NEB: variants seen among roughly 807,000 people sequenced by gnomAD.
NEB encodes the protein nemaline myopathy type 2.
Under a neutral mutation model 952.2 loss-of-function variants are expected in NEB, and 512 were observed. The ratio of observed to expected loss-of-function variants is 0.54; its 90% CI spans 0.50 to 0.58. NEB has a LOEUF of 0.58. Among genes scored for constraint, NEB ranks in the 20% least tolerant of loss-of-function variants. The pLI, the probability that NEB is intolerant of heterozygous loss-of-function variation, is 0.00. For synonymous variants in NEB, 2,900 were observed against 3,149.8 expected, an observed-to-expected ratio of 0.92 and a Z score of 2.66; for missense variants, 8,428 against 9,231.1, an observed-to-expected ratio of 0.91 and a Z score of 3.56.
In NEB at chr2:151,656,481, A is replaced by G. The variant is rs769726694; in HGVS notation, c.6184-17T>C. On this transcript the variant is annotated splice_polypyrimidine_tract_variant and intron_variant, in intron 48 of 181. Coordinates refer to ENST00000397345, the MANE Select transcript of NEB (RefSeq NM_001164508.2). ...GTATTTATACTGTGAAGAAAATATG[A>G]GTTTTTACACAGAGCAATTCCTTTG... 1.9e-6 allele frequency: 3 copies of G among 1,563,044 alleles called. No individual in the cohort carries two copies. The South Asian group carries it at 3.6e-5, about 19-fold the overall frequency.
At chr2:151,546,945 G>A (rs1181718675) in intron 133 of NEB, among the ~76,000 whole-genome samples, 1 of 152,140 alleles carries the variant, frequency 6.6e-6, no homozygotes. Context: ...GAGCTGAGGA[G>A]AGAACACTGC....
intron 107 of NEB, 136 bp downstream of exon 107, chr2:151,575,559 A>T: frequency 1.5e-6 from 1 of 660,558 alleles, no homozygotes; most frequent in Non-Finnish European, 2.6e-6. Flanking sequence ...ACTCCTAGTC[A>T]AGGGGTGACC....
At chr2:151,566,890 A>G (rs1252520097) in intron 114 of NEB, among the ~76,000 whole-genome samples, 1 of 152,174 alleles carries the variant, frequency 6.6e-6, no homozygotes, top group Non-Finnish European at 1.5e-5. Context: ...TTCTATGTGA[A>G]TGTGAGTGAG....
At chr2:151,569,481 G>C in intron 109 of NEB, 109 bp from the exon 110 acceptor site, 1 of 841,186 alleles carries the variant, frequency 1.2e-6, no homozygotes, top group East Asian at 2.5e-5. Context: ...ATAAGCCAAG[G>C]AGGACATACT....
At chr2:151,640,229 T>C (rs1296342409) in intron 61 of NEB, 126 bp downstream of exon 61, 25 of 1,484,816 alleles carry the variant, frequency 1.7e-5, no homozygotes, top group Non-Finnish European at 2.0e-5. Context: ...AAAATTCCTG[T>C]CGATAAAGGC....
At chr2:151,622,646 A>G (rs1187432673) in intron 71 of NEB, among the ~76,000 whole-genome samples, 4 of 152,186 alleles carry the variant, frequency 2.6e-5, no homozygotes, top group African/African-American at 9.7e-5. Context: ...TGTACACATT[A>G]TGGCCTTCAT....
At chr2:151,572,702 A>G (rs2096681823) in intron 107 of NEB, among the ~76,000 whole-genome samples, 1 of 150,548 alleles carries the variant, frequency 6.6e-6, no homozygotes, top group African/African-American at 2.4e-5. Flanking sequence ...AGCCACCACT[A>G]TGCCTGGCTA....
chr2:151,492,133 T>C lies in NEB; in HGVS notation c.25022A>G (p.Gln8341Arg), dbSNP rs773551698. Residue 8341 changes from glutamine (Q) to arginine (R), a missense_variant, in exon 178 of 182, where the codon CAA becomes CGA. By Grantham distance (43) the Gln-to-Arg change is conservative. Coordinates refer to ENST00000397345, the MANE Select transcript of NEB (RefSeq NM_001164508.2). ...GIQRKVVEMEQKRNDQDQETI... is the reference protein window; with the variant it reads ...GIQRKVVEMERKRNDQDQETI... Reference sequence around the variant, plus strand: ...CTCCTGATCTTGGTCATTCCGTTTTTGTTCCATTTCTACCACTTTCCTCTG... The same window carrying C: ...CTCCTGATCTTGGTCATTCCGTTTTCGTTCCATTTCTACCACTTTCCTCTG... 3 of 1,613,996 alleles carry C rather than the reference T, an allele frequency of 1.9e-6. No homozygotes were observed. The highest frequency in any genetic ancestry group is 2.5e-6 in the Non-Finnish European group (3 of 1,179,870).
intron 65 of NEB, among the ~76,000 whole-genome samples, chr2:151,632,677 GAAAAAAA>G (rs761404681): frequency 7.9e-5 from 4 of 50,678 alleles, no homozygotes; most frequent in African/African-American, 2.2e-4. Flanking sequence ...CTCTGTCTCA[GAAAAAAA>G]AAAAAAAAAA....
chr2:151,698,404 G>T (rs901213011), intron 13 of NEB, among the ~76,000 whole-genome samples: 12 of 152,002 alleles, frequency 7.9e-5, no homozygotes, highest in Non-Finnish European at 1.5e-4. Flanking sequence ...TAGTTGCCAA[G>T]GCCTGGAAAG....
At chr2:151,544,019 C>T (rs1014322031) in intron 135 of NEB, among the ~76,000 whole-genome samples, 2 of 152,216 alleles carry the variant, frequency 1.3e-5, no homozygotes, top group Admixed American at 6.5e-5. Flanking sequence ...CTCCCCCGCT[C>T]TCCATGGTTT....
chr2:151,563,615 C>T lies in NEB; in HGVS notation c.18684G>A (p.Met6228Ile), dbSNP rs765872930. ...GTGGACATTTACTTACCGCACTCCT[C>T]ATCTTTTGGAAATCCAGACAGTGAA... Reference protein sequence around the residue: ...GVVHCLDFQKMRSALNYRKHY... With the variant: ...GVVHCLDFQKIRSALNYRKHY... The change falls in exon 119 of 182, where the codon ATG (methionine) becomes ATA (isoleucine). Residue 6228 changes from methionine to isoleucine, a missense_variant. Transcript: ENST00000397345. The T allele has an allele frequency of 3.1e-6, 5 of 1,613,424 alleles. No homozygotes were observed. In the South Asian group the frequency reaches 5.5e-5, roughly 18 times the overall value.
In NEB at chr2:151,680,272, G is replaced by GC. The variant is rs140534629; in HGVS notation, c.3043-251dup. ...TGGAACTTGCAGTAGGAACCTCTGG[G>GC]CCTAGCTCAGGAAAGTGTAATAGGG... On this transcript the variant is annotated intron_variant, in intron 30 of 181. Transcript: ENST00000397345. Among the ~76,000 whole-genome samples the GC allele has an allele frequency of 6.6e-3, 1,004 of 152,254 alleles. 12 individuals are homozygous for GC. Among genetic ancestry groups the GC allele is most frequent in the East Asian group, 0.057 (297 of 5,188 alleles).
intron 3 of NEB, among the ~76,000 whole-genome samples, chr2:151,730,418 T>G (rs2099803417): frequency 6.6e-6 from 1 of 152,024 alleles, no homozygotes; most frequent in Admixed American, 6.6e-5. Flanking sequence ...CAAGTCTACT[T>G]TTGTTCTACT....
chr2:151,720,165 T>C (rs2099770389), intron 9 of NEB, among the ~76,000 whole-genome samples: 1 of 152,148 alleles, frequency 6.6e-6, no homozygotes, highest in South Asian at 2.1e-4. Context: ...GTATTCTGCA[T>C]CAGCTTAAAG....
At chr2:151,566,938 T>C (rs976021484) in intron 114 of NEB, among the ~76,000 whole-genome samples, 2 of 152,088 alleles carry the variant, frequency 1.3e-5, no homozygotes, top group African/African-American at 4.8e-5. Context: ...AAGCAGCAGA[T>C]TTTTTTTAAA....
At position 151,643,268 on chromosome 2, in the gene NEB, GCTCGTTTATTT is replaced by G. The variant is rs398124172; in HGVS notation, c.8031_8041del (p.Lys2677AsnfsTer7). 15 of 1,613,838 alleles carry G rather than the reference GCTCGTTTATTT, an allele frequency of 9.3e-6. No individual in the cohort carries two copies. The highest frequency in any genetic ancestry group is 1.0e-5 in the Non-Finnish European group (12 of 1,179,796). On this transcript the variant is annotated frameshift_variant, in exon 58 of 182. Coordinates refer to ENST00000397345, the MANE Select transcript of NEB (RefSeq NM_001164508.2). LOFTEE classifies it high-confidence loss of function. ...AACATGGTCACTCAAAATCTGGGTG[GCTCGTTTATTT>G]TTCTCATCCTCGAGAGAACCACTAG... is the stretch of plus-strand genomic sequence containing the variant.
chr2:151,720,131 A>T (rs1041867836), intron 9 of NEB, among the ~76,000 whole-genome samples: 6 of 151,142 alleles, frequency 4.0e-5, no homozygotes, highest in African/African-American at 1.2e-4. Flanking sequence ...TCTGATTTTT[A>T]AAAAAGTAAA....
At chr2:151,647,828 A>G (rs1297234923) in intron 54 of NEB, among the ~76,000 whole-genome samples, 1 of 152,206 alleles carries the variant, frequency 6.6e-6, no homozygotes, top group Non-Finnish European at 1.5e-5. Flanking sequence ...TTAAATCCTG[A>G]GCCAGAGAAA....
Sources: allele counts gnomAD v4.1 joint callset (sites outside exome capture counted in the v4.1 genomes callset), GRCh38; gene constraint gnomAD v4.1.1; transcripts MANE v1.5; gene names NCBI Gene and HGNC (gene_info 2026-07-23, HGNC 2026-07-21).